Variants in RBP5 observed in about 807,000 individuals in gnomAD.
RBP5 encodes the protein retinol binding protein 5, also known as retinol-binding protein 5.
Under a neutral mutation model 17.8 loss-of-function variants are expected in RBP5, and 12 were observed. The observed-to-expected ratio is 0.67, with a 90% CI of 0.43 to 1.09. The LOEUF is 1.09. Ranked by LOEUF, RBP5 falls within the 50% of genes least tolerant of loss-of-function variation. RBP5 has a pLI of 0.00. For synonymous variants in RBP5, 64 were observed against 68.1 expected, an observed-to-expected ratio of 0.94 and a Z score of 0.30; for missense variants, 172 against 169.4, an observed-to-expected ratio of 1.02 and a Z score of -0.09.
chr12:7,126,510 G>GGTGGTGT (rs751535528), intron 2 of RBP5, among the ~76,000 whole-genome samples: 1,689 of 130,888 alleles, frequency 0.013, 20 homozygotes, highest in Non-Finnish European at 0.017. Context: ...TGGTGGTGGT[G>GGTGGTGT]GTGTGTGTGT....
chr12:7,118,506 T>C (rs1939034694), intron 3 of RBP5: 1 of 152,132 alleles, frequency 6.6e-6, no homozygotes, highest in African/African-American at 2.4e-5. Flanking sequence ...TGTTGTTCTG[T>C]GTACAGAGAG....
At position 7,124,262 on chromosome 12, in the gene RBP5, C is replaced by T. The variant is rs1939123639; in HGVS notation, c.355-88G>A. The T allele has an allele frequency of 8.5e-7, 1 of 1,176,938 alleles. No individual in the cohort carries two copies. Among genetic ancestry groups the T allele is most frequent in the Non-Finnish European group, 1.3e-6 (1 of 789,150 alleles). The allele number at this position is 1,176,938 out of a possible 1,614,324, so 72.9% of individuals were successfully genotyped here. On this transcript the variant is annotated intron_variant, in intron 3 of 3. Coordinates refer to ENST00000266560, the MANE Select transcript of RBP5 (RefSeq NM_031491.4). This position sits in a 1 kb window ranked among gnomAD's most constrained non-coding sequence, Gnocchi z 5.3. ...TCTCAAGGTCCTTGACCTCCATTTA[C>T]TCCTTCCGGATACAGCAGCTTGAGT... is the stretch of plus-strand genomic sequence containing the variant.
At chr12:7,129,955 G>C (rs1259501484), upstream of RBP5, 2 of 320,158 alleles carry the variant, frequency 6.2e-6, no homozygotes, top group Non-Finnish European at 4.6e-6. This position sits in a 1 kb window ranked among gnomAD's most constrained non-coding sequence, Gnocchi z 5.5. Context: ...CTCAGGCTCA[G>C]ACTGAGGGTT....
At position 7,128,612 on chromosome 12, in the gene RBP5, C is replaced by G. The variant is rs1487788469; in HGVS notation, c.73+91G>C. ...CTGAGCCTTTCCACAGTGTCCAACC[C>G]CGGGCATTCCCTCTTCTCCATGGGA... On this transcript the variant is annotated intron_variant, in intron 1 of 3. Transcript: ENST00000266560. The surrounding 1 kb of genome is among the most constrained non-coding windows in gnomAD (Gnocchi z 5.3). The G allele has an allele frequency of 1.1e-5, 14 of 1,318,274 alleles. No individual in the cohort carries two copies. The highest frequency in any genetic ancestry group is 1.4e-5 in the Non-Finnish European group (13 of 935,644). 81.7% of individuals were successfully genotyped at this position (1,318,274 alleles called of 1,614,324 possible). A position where few individuals can be genotyped will look rare whatever the true frequency, so the allele number is the denominator to read the frequency against.
At chr12:7,129,738 C>G, upstream of RBP5, 1 of 985,594 alleles carries the variant, frequency 1.0e-6, no homozygotes. This position sits in a 1 kb window ranked among gnomAD's most constrained non-coding sequence, Gnocchi z 5.5. Context: ...GCTTCAGAAT[C>G]CACTGGGCTT....
chr12:7,127,736 G>A (rs1198409366), intron 2 of RBP5: 3 of 702,312 alleles, frequency 4.3e-6, no homozygotes, highest in Admixed American at 2.0e-5. Flanking sequence ...CAGAAGGCAT[G>A]GGTGTAGATG....
upstream of RBP5, chr12:7,129,702 C>T (rs1939241534): frequency 2.0e-6 from 2 of 985,432 alleles, no homozygotes; most frequent in African/African-American, 1.7e-5. The surrounding 1 kb of genome is among the most constrained non-coding windows in gnomAD (Gnocchi z 5.5). Flanking sequence ...CTGCCCAATT[C>T]TCTCTCGAAC....
At position 7,124,623 on chromosome 12, in the gene RBP5, ATT is replaced by A; in HGVS notation, c.354+4_354+5del. On this transcript the variant is annotated splice_donor_5th_base_variant and intron_variant, in intron 3 of 3. Coordinates refer to ENST00000266560, the MANE Select transcript of RBP5 (RefSeq NM_031491.4). This position sits in a 1 kb window ranked among gnomAD's most constrained non-coding sequence, Gnocchi z 5.3. ...CTCCCAGACACCCAGCCCCCACCCC[ATT>A]TACCAGATACAGCATCTCTCCCTCC... The A allele has an allele frequency of 7.0e-7, 1 of 1,433,530 alleles. No individual in the cohort carries two copies. Among genetic ancestry groups the A allele is most frequent in the Non-Finnish European group, 9.8e-7 (1 of 1,017,700 alleles). 88.8% of individuals were successfully genotyped at this position (1,433,530 alleles called of 1,614,324 possible). A position where few individuals can be genotyped will look rare whatever the true frequency, so the allele number is the denominator to read the frequency against.
intron 2 of RBP5, among the ~76,000 whole-genome samples, chr12:7,125,937 T>C (rs1321751644): frequency 6.6e-6 from 1 of 152,022 alleles, no homozygotes; most frequent in Non-Finnish European, 1.5e-5. Context: ...AGAGGAGGGT[T>C]AAGCGTGAGA....
chr12:7,128,322 G>C lies in RBP5; in HGVS notation c.170C>G (p.Thr57Ser), dbSNP rs765751050. 1 of 1,614,212 alleles carries C rather than the reference G, an allele frequency of 6.2e-7. No individual in the cohort carries two copies. The highest frequency in any genetic ancestry group is 2.2e-5 in the East Asian group (1 of 44,888). Residue 57 changes from threonine to serine, a missense_variant, in exon 2 of 4, where the codon ACC becomes AGC. Coordinates refer to ENST00000266560, the MANE Select transcript of RBP5 (RefSeq NM_031491.4). This position sits in a 1 kb window ranked among gnomAD's most constrained non-coding sequence, Gnocchi z 5.3. ...GNHMTVRTLS[T>S]FRNYTVQFDV... ...AAACTGCACAGTGTAGTTTCGGAAG[G>C]TGCTGAGCGTCCTCACCGTCATGTG... is the stretch of plus-strand genomic sequence containing the variant.
downstream of RBP5, among the ~76,000 whole-genome samples, chr12:7,122,681 G>A (rs776387165): frequency 4.3e-4 from 66 of 152,050 alleles, no homozygotes; most frequent in Middle Eastern, 0.027. Flanking sequence ...ATCTGGAGAT[G>A]TGGGCAATGG....
At chr12:7,129,755 TC>T (rs1287611279), upstream of RBP5, 23 of 985,436 alleles carry the variant, frequency 2.3e-5, no homozygotes, top group African/African-American at 3.5e-5. This position sits in a 1 kb window ranked among gnomAD's most constrained non-coding sequence, Gnocchi z 5.5. Flanking sequence ...GCTTGGTTCA[TC>T]ATGGTTTAAG....
At chr12:7,126,489 TGTGGTGGTG>T (rs71450185) in intron 2 of RBP5, among the ~76,000 whole-genome samples, 1 of 116,074 alleles carries the variant, frequency 8.6e-6, no homozygotes, top group Non-Finnish European at 1.8e-5. Context: ...GCCGATTAGA[TGTGGTGGTG>T]GTGGTGGTGG....
chr12:7,122,687 A>C (rs957560759), downstream of RBP5, among the ~76,000 whole-genome samples: 9 of 151,888 alleles, frequency 5.9e-5, no homozygotes, highest in Admixed American at 4.6e-4. Flanking sequence ...AGATGTGGGC[A>C]ATGGGCGAGT....
chr12:7,128,420 TG>T lies in RBP5; in HGVS notation c.74-3del. On this transcript the variant is annotated splice_polypyrimidine_tract_variant and splice_region_variant and intron_variant, in intron 1 of 3. Transcript: ENST00000266560. The surrounding 1 kb of genome is among the most constrained non-coding windows in gnomAD (Gnocchi z 5.3). ...TCTTCCGCACAGCCAAGCTGATGTC[TG>T]TGGGGGCTGCCTGTTAGTAGGGGTG... is the stretch of plus-strand genomic sequence containing the variant. 1 of 1,613,968 alleles carries T rather than the reference TG, an allele frequency of 6.2e-7. No individual in the cohort carries two copies.
chr12:7,120,722 G>T, downstream of RBP5: 1 of 155,014 alleles, frequency 6.5e-6, no homozygotes. Context: ...AGAGCTGGTT[G>T]GGGGTTATGA....
chr12:7,126,498 GGTGGTGGTGGTGGT>G (rs1268260110), intron 2 of RBP5, among the ~76,000 whole-genome samples: 2 of 30,204 alleles, frequency 6.6e-5, no homozygotes, highest in Admixed American at 2.2e-4. Context: ...ATGTGGTGGT[GGTGGTGGTGGTGGT>G]GTGTGTGTGT....
downstream of RBP5, among the ~76,000 whole-genome samples, chr12:7,119,753 T>A (rs1257492623): frequency 6.6e-6 from 1 of 152,218 alleles, no homozygotes; most frequent in Admixed American, 6.5e-5. Flanking sequence ...CCAGGTCCTC[T>A]GCTGAGTGTG....
rs1242277507 is a variant in RBP5, at chr12:7,123,831, G to A, written c.*290C>T. ...AGAGGTCAAATGGACAGGAGAGAGCGGAGATTGGTTGTTCTCAGGGGCTCC... is the reference window on the plus strand; with the variant it reads ...AGAGGTCAAATGGACAGGAGAGAGCAGAGATTGGTTGTTCTCAGGGGCTCC... On this transcript the variant is annotated 3_prime_UTR_variant, in exon 4 of 4. Coordinates refer to ENST00000266560, the MANE Select transcript of RBP5 (RefSeq NM_031491.4). The A allele has an allele frequency of 9.7e-6, 4 of 411,680 alleles. No individual in the cohort carries two copies. Among genetic ancestry groups the A allele is most frequent in the East Asian group, 3.9e-5 (1 of 25,728 alleles). 25.5% of individuals were successfully genotyped at this position (411,680 alleles called of 1,614,324 possible).
Sources: allele counts gnomAD v4.1 joint callset (sites outside exome capture counted in the v4.1 genomes callset), GRCh38; gene constraint gnomAD v4.1.1; non-coding constraint Gnocchi (gnomAD v3.1); transcripts MANE v1.5; gene names NCBI Gene and HGNC (gene_info 2026-07-23, HGNC 2026-07-21).